Variants in ZNF385D observed in about 807,000 individuals in gnomAD.
ZNF385D encodes zinc finger protein 659.
In ZNF385D, 15 loss-of-function variants were observed where a neutral mutation model predicts 35.8. The ratio of observed to expected loss-of-function variants is 0.42; its 90% CI spans 0.28 to 0.64. The LOEUF (loss-of-function observed/expected upper bound fraction) is 0.64, where lower values mean the gene tolerates loss of function less well. Ranked by LOEUF, ZNF385D falls within the 30% of genes least tolerant of loss-of-function variation. ZNF385D has a pLI of 0.23. For synonymous variants in ZNF385D, 212 were observed against 186.8 expected, an observed-to-expected ratio of 1.13 and a Z score of -1.10; for missense variants, 474 against 494.6, an observed-to-expected ratio of 0.96 and a Z score of 0.39.
Position 22,129,855 on chromosome 3 carries a change from C to A in ZNF385D, c.325+38962G>T, listed in dbSNP as rs369350954. 6.6e-5 allele frequency among the ~76,000 whole-genome samples: 10 copies of A among 152,162 alleles called. 1 individual carries two copies. The highest frequency in any genetic ancestry group is 3.9e-4 in the East Asian group (2 of 5,146). On this transcript the variant is annotated intron_variant, in intron 3 of 5. Coordinates refer to the ZNF385D transcript ENST00000494108. ...GACCATGTGCCAAAGTTGTAAGACCCTTCCCTCTCTTTTCCTCAAACAGAA... is the reference window on the plus strand; with the variant it reads ...GACCATGTGCCAAAGTTGTAAGACCATTCCCTCTCTTTTCCTCAAACAGAA...
At chr3:21,426,314 A>T (rs2125202094) in intron 5 of ZNF385D, among the ~76,000 whole-genome samples, 1 of 152,246 alleles carries the variant, frequency 6.6e-6, no homozygotes, top group East Asian at 1.9e-4. Context: ...GACCAAGAAG[A>T]TGAGGGGTGG....
chr3:22,040,012 G>A (rs530986413), intron 3 of ZNF385D, among the ~76,000 whole-genome samples: 1 of 152,050 alleles, frequency 6.6e-6, no homozygotes, highest in African/African-American at 2.4e-5. Flanking sequence ...TCCTGCTCCC[G>A]CCATGCACCG....
At chr3:21,555,433 G>T (rs780916341) in intron 3 of ZNF385D, among the ~76,000 whole-genome samples, 2 of 151,964 alleles carry the variant, frequency 1.3e-5, no homozygotes, top group Non-Finnish European at 2.9e-5. Flanking sequence ...TGTTCTCATT[G>T]TTCAGCTCCC....
chr3:21,499,718 T>G (rs1211211191), intron 4 of ZNF385D, among the ~76,000 whole-genome samples: 1 of 152,052 alleles, frequency 6.6e-6, no homozygotes, highest in Admixed American at 6.6e-5. Flanking sequence ...CTGCTACACA[T>G]TCTGCATTCT....
At chr3:21,691,277 G>A (rs1165543517) in intron 1 of ZNF385D, among the ~76,000 whole-genome samples, 1 of 152,146 alleles carries the variant, frequency 6.6e-6, no homozygotes, top group Non-Finnish European at 1.5e-5. Flanking sequence ...CTCCATTGCA[G>A]ATTTATCATA....
chr3:21,423,572 T>G (rs1700843097), intron 7 of ZNF385D, among the ~76,000 whole-genome samples: 1 of 152,224 alleles, frequency 6.6e-6, no homozygotes, highest in Non-Finnish European at 1.5e-5. Context: ...TTATTTGCAG[T>G]CATGGGGAGA....
At position 22,205,791 on chromosome 3, in the gene ZNF385D, G is replaced by C. The variant is rs150593903; in HGVS notation, c.107-36756C>G. Among the ~76,000 whole-genome samples the C allele has an allele frequency of 2.8e-3, 430 of 151,746 alleles. 2 individuals carry two copies. The highest frequency in any genetic ancestry group is 9.2e-3 in the African/African-American group (381 of 41,438). ...ACAAAAACCAAAAAATTAAAACATAGTACCAGAGAAAACCACCTTCACTAA... is the reference window on the plus strand; with the variant it reads ...ACAAAAACCAAAAAATTAAAACATACTACCAGAGAAAACCACCTTCACTAA... On this transcript the variant is annotated intron_variant, in intron 2 of 5. Transcript: ENST00000494108.
intron 3 of ZNF385D, among the ~76,000 whole-genome samples, chr3:22,040,474 CCTGATGG>C (rs1490688735): frequency 6.6e-6 from 1 of 152,076 alleles, no homozygotes; most frequent in African/African-American, 2.4e-5. Flanking sequence ...AGGCTACAGT[CCTGATGG>C]GTGATAGGAA....
At chr3:21,522,743 G>A (rs1198618757) in intron 3 of ZNF385D, among the ~76,000 whole-genome samples, 1 of 152,166 alleles carries the variant, frequency 6.6e-6, no homozygotes, top group African/African-American at 2.4e-5. Context: ...GACTCTAGAA[G>A]CCTGAATTAT....
intron 3 of ZNF385D, among the ~76,000 whole-genome samples, chr3:22,146,375 G>C (rs913691042): frequency 6.6e-6 from 1 of 152,140 alleles, no homozygotes; most frequent in African/African-American, 2.4e-5. Flanking sequence ...GCAATAAACT[G>C]ACAGACTACA....
chr3:21,687,322 G>A (rs930117636), intron 1 of ZNF385D, among the ~76,000 whole-genome samples: 6 of 152,160 alleles, frequency 3.9e-5, no homozygotes, highest in Non-Finnish European at 7.4e-5. Flanking sequence ...CATTGTTATC[G>A]TGTAAGCCAG....
intron 3 of ZNF385D, among the ~76,000 whole-genome samples, chr3:21,845,151 C>T (rs1368325367): frequency 1.3e-5 from 2 of 151,954 alleles, no homozygotes; most frequent in African/African-American, 4.8e-5. Context: ...ATTCTCTAGT[C>T]TACTTCTACG....
chr3:22,021,871 C>A (rs1697242775), intron 3 of ZNF385D, among the ~76,000 whole-genome samples: 1 of 152,040 alleles, frequency 6.6e-6, no homozygotes, highest in African/African-American at 2.4e-5. Flanking sequence ...TAGGATGCGG[C>A]CTGCACTTGG....
intron 3 of ZNF385D, among the ~76,000 whole-genome samples, chr3:22,112,524 A>G (rs930378254): frequency 6.6e-6 from 1 of 152,148 alleles, no homozygotes; most frequent in African/African-American, 2.4e-5. Context: ...CAATTTATCA[A>G]TGTATGTAAA....
intron 2 of ZNF385D, among the ~76,000 whole-genome samples, chr3:22,344,813 T>A (rs996350063): frequency 6.6e-5 from 10 of 152,216 alleles, no homozygotes; most frequent in Non-Finnish European, 1.3e-4. Context: ...TAAATGCTGG[T>A]TCTATTTCCC....
At chr3:22,166,133 C>A (rs1467379207) in intron 3 of ZNF385D, among the ~76,000 whole-genome samples, 5 of 152,108 alleles carry the variant, frequency 3.3e-5, no homozygotes, top group African/African-American at 4.8e-5. Context: ...ACCAATATGA[C>A]CTAAGATGAC....
intron 3 of ZNF385D, among the ~76,000 whole-genome samples, chr3:22,155,047 A>G (rs1160960403): frequency 6.6e-6 from 1 of 152,178 alleles, no homozygotes; most frequent in African/African-American, 2.4e-5. Context: ...ACATCATTGT[A>G]TAATTGATCT....
At chr3:22,018,639 A>G (rs1697028607) in intron 3 of ZNF385D, among the ~76,000 whole-genome samples, 1 of 151,896 alleles carries the variant, frequency 6.6e-6, no homozygotes, top group Non-Finnish European at 1.5e-5. Flanking sequence ...AGAGTATTTT[A>G]TTACACCCAG....
intron 1 of ZNF385D, among the ~76,000 whole-genome samples, chr3:21,687,109 C>T (rs969083836): frequency 2.0e-5 from 3 of 152,158 alleles, no homozygotes; most frequent in African/African-American, 7.2e-5. Context: ...GGAAGCCAGA[C>T]CAGCTTCTGG....
Sources: allele counts gnomAD v4.1 joint callset (sites outside exome capture counted in the v4.1 genomes callset), GRCh38; gene constraint gnomAD v4.1.1; transcripts MANE v1.5; gene names NCBI Gene and HGNC (gene_info 2026-07-23, HGNC 2026-07-21).